PACRG: variants seen among roughly 807,000 people sequenced by gnomAD.
The protein encoded by PACRG is parkin coregulated, also known as parkin coregulated gene protein.
PACRG carries 29 observed loss-of-function variants against 29.7 expected under a neutral mutation model. The ratio of observed to expected loss-of-function variants is 0.98; its 90% confidence interval spans 0.73 to 1.33. The LOEUF (loss-of-function observed/expected upper bound fraction) is 1.33. Among genes scored for constraint, PACRG ranks in the 40% most tolerant of loss-of-function variants. The pLI, the probability that PACRG is intolerant of heterozygous loss-of-function variation, is 0.00. For synonymous variants in PACRG, 116 were observed against 118.7 expected (o/e 0.98, Z 0.15); for missense variants, 279 against 316.2 (o/e 0.88, Z 0.89).
chr6:163,237,895 A>G (rs1209634112), intron 4 of PACRG, among the ~76,000 whole-genome samples: 6 of 152,216 alleles, frequency 3.9e-5, no homozygotes, highest in African/African-American at 1.2e-4. Context: ...TTTGACATCA[A>G]TGAAAAGATG....
chr6:162,748,320 G>T (rs766685003), intron 1 of PACRG, among the ~76,000 whole-genome samples: 1 of 151,986 alleles, frequency 6.6e-6, no homozygotes, highest in East Asian at 1.9e-4. Flanking sequence ...GTGAAACCCC[G>T]TCTCTAATAA....
chr6:163,053,410 A>G (rs2128250346), intron 2 of PACRG, among the ~76,000 whole-genome samples: 1 of 152,226 alleles, frequency 6.6e-6, no homozygotes, highest in South Asian at 2.1e-4. Flanking sequence ...ATTTATATGG[A>G]CAGATTTTAA....
intron 2 of PACRG, among the ~76,000 whole-genome samples, chr6:162,975,923 A>G (rs1801916600): frequency 6.6e-6 from 1 of 152,102 alleles, no homozygotes; most frequent in Non-Finnish European, 1.5e-5. Flanking sequence ...GAAAAGTTAC[A>G]AACCTGCCCC....
chr6:162,752,554 C>T (rs941063409), intron 1 of PACRG, among the ~76,000 whole-genome samples: 1 of 152,144 alleles, frequency 6.6e-6, no homozygotes, highest in African/African-American at 2.4e-5. Flanking sequence ...CCCAAAGCCC[C>T]ACAAGTCTTG....
intron 2 of PACRG, among the ~76,000 whole-genome samples, chr6:163,016,749 C>G (rs1382861961): frequency 6.6e-6 from 1 of 151,898 alleles, no homozygotes; most frequent in African/African-American, 2.4e-5. Context: ...TCATTGAACT[C>G]TACAGTAGTT....
chr6:162,820,788 T>C (rs1787776724), intron 2 of PACRG, among the ~76,000 whole-genome samples: 1 of 152,236 alleles, frequency 6.6e-6, no homozygotes, highest in Admixed American at 6.5e-5. Flanking sequence ...CCTGGGTTTC[T>C]ATTTCTTTTG....
At chr6:163,193,923 C>T (rs1780332635) in intron 4 of PACRG, among the ~76,000 whole-genome samples, 1 of 136,690 alleles carries the variant, frequency 7.3e-6, no homozygotes, top group African/African-American at 2.7e-5. Flanking sequence ...GATGGAGTCT[C>T]ATTCTGTCAC....
intron 4 of PACRG, among the ~76,000 whole-genome samples, chr6:163,281,874 G>C (rs140319503): frequency 1.3e-3 from 199 of 152,140 alleles, no homozygotes; most frequent in Non-Finnish European, 2.3e-3. Context: ...CCGATATCTT[G>C]ACAGCATTCT....
intron 4 of PACRG, among the ~76,000 whole-genome samples, chr6:163,152,651 A>G (rs115519103): frequency 0.018 from 2,709 of 152,324 alleles, 89 homozygotes; most frequent in African/African-American, 0.061. Context: ...TCTATTTCTT[A>G]CAAGAGCACT....
intron 2 of PACRG, among the ~76,000 whole-genome samples, chr6:162,952,643 GAACT>G (rs1799738030): frequency 6.6e-6 from 1 of 152,102 alleles, no homozygotes. Context: ...TCCCAGAATT[GAACT>G]AACAACCACA....
At chr6:163,226,996 T>C (rs1233609411) in intron 4 of PACRG, among the ~76,000 whole-genome samples, 1 of 152,124 alleles carries the variant, frequency 6.6e-6, no homozygotes, top group East Asian at 1.9e-4. Context: ...ATGATGATGG[T>C]ACGTTAAAAA....
chr6:163,175,921 A>G (rs1482638289), intron 4 of PACRG, among the ~76,000 whole-genome samples: 1 of 152,212 alleles, frequency 6.6e-6, no homozygotes, highest in Non-Finnish European at 1.5e-5. Flanking sequence ...AGATACTCGA[A>G]TCATTCCCAA....
intron 2 of PACRG, among the ~76,000 whole-genome samples, chr6:163,048,666 G>T (rs990476610): frequency 2.6e-5 from 4 of 152,072 alleles, no homozygotes; most frequent in Non-Finnish European, 5.9e-5. Flanking sequence ...TCTACTATTT[G>T]GAGGTTAAGT....
chr6:162,865,049 CA>C (rs1289795957), intron 2 of PACRG, among the ~76,000 whole-genome samples: 5 of 152,022 alleles, frequency 3.3e-5, no homozygotes, highest in Non-Finnish European at 7.4e-5. Flanking sequence ...AATCTTTCAC[CA>C]ATTACTAAAT....
intron 1 of PACRG, among the ~76,000 whole-genome samples, chr6:162,793,982 G>C (rs1285606343): frequency 2.6e-5 from 4 of 152,130 alleles, no homozygotes; most frequent in Non-Finnish European, 5.9e-5. Context: ...ATGTACCCTT[G>C]AACTTAAAAT....
intron 1 of PACRG, among the ~76,000 whole-genome samples, chr6:162,743,950 T>C (rs1192999307): frequency 6.6e-6 from 1 of 152,206 alleles, no homozygotes; most frequent in Non-Finnish European, 1.5e-5. Context: ...TGAAATACTT[T>C]TGTTTGTAAT....
At chr6:162,845,499 C>T (rs1369664732) in intron 2 of PACRG, among the ~76,000 whole-genome samples, 2 of 151,430 alleles carry the variant, frequency 1.3e-5, no homozygotes, top group African/African-American at 4.9e-5. Flanking sequence ...TAAAAAATTT[C>T]AAGTATACAC....
intron 4 of PACRG, among the ~76,000 whole-genome samples, chr6:163,130,825 C>T (rs904660975): frequency 4.6e-5 from 7 of 152,184 alleles, no homozygotes; most frequent in African/African-American, 9.7e-5. Flanking sequence ...GTTAGGGAAA[C>T]GTTACTGGGC....
intron 4 of PACRG, among the ~76,000 whole-genome samples, chr6:163,166,593 C>T (rs1032516437): frequency 2.0e-5 from 3 of 152,170 alleles, no homozygotes; most frequent in Admixed American, 2.0e-4. Flanking sequence ...TGTCATGTGC[C>T]CTTCTGTATA....
Sources: allele counts gnomAD v4.1 joint callset (sites outside exome capture counted in the v4.1 genomes callset), GRCh38; gene constraint gnomAD v4.1.1; transcripts MANE v1.5; gene names NCBI Gene and HGNC (gene_info 2026-07-23, HGNC 2026-07-21).